The following PTPRD variants were observed in gnomAD, a reference collection of about 807,000 sequenced individuals.
PTPRD encodes the protein protein tyrosine phosphatase receptor type D.
In PTPRD, 34 loss-of-function variants were observed where a neutral mutation model predicts 214.5. The observed-to-expected ratio is 0.16, with a 90% CI of 0.12 to 0.21. The LOEUF (loss-of-function observed/expected upper bound fraction) is 0.21. Ranked by LOEUF, PTPRD falls within the 10% of genes least tolerant of loss-of-function variation. PTPRD has a pLI of 1.00. For missense variants in PTPRD, 2,545 were observed against 2,398.7 expected (o/e 1.06, Z -1.27); for synonymous variants, 1,128 against 845.7 (o/e 1.33, Z -5.79).
intron 11 of PTPRD, among the ~76,000 whole-genome samples, chr9:8,987,256 G>C (rs1048088556): frequency 1.1e-4 from 17 of 152,046 alleles, no homozygotes; most frequent in Non-Finnish European, 2.1e-4. Context: ...CAGGGTGAAA[G>C]GTATGTGTGA....
chr9:9,980,535 G>A lies in PTPRD; in HGVS notation c.-471-41925C>T, dbSNP rs187281878. 8.1e-3 allele frequency among the ~76,000 whole-genome samples: 1,147 copies of A among 142,244 alleles called. 10 individuals are homozygous for A. The highest frequency in any genetic ancestry group is 0.027 in the African/African-American group (1,048 of 38,446). The allele number at this position is 142,244 out of a possible 152,430, so 93.3% of individuals were successfully genotyped here. A position where few individuals can be genotyped will look rare whatever the true frequency, so the allele number is the denominator to read the frequency against. On this transcript the variant is annotated intron_variant, in intron 4 of 45. Transcript: ENST00000381196. Reference sequence around the variant, plus strand: ...AGGTCGGAGAATCGCTTGAACCCGGGGGGGCAAAGGTTGCAGTGAGCAGAG... The same window carrying A: ...AGGTCGGAGAATCGCTTGAACCCGGAGGGGCAAAGGTTGCAGTGAGCAGAG...
chr9:9,672,875 G>A (rs975375591), intron 7 of PTPRD, among the ~76,000 whole-genome samples: 6 of 152,074 alleles, frequency 3.9e-5, no homozygotes, highest in African/African-American at 1.4e-4. Flanking sequence ...AGAAGTATAT[G>A]TAGATGGTAA....
At chr9:9,218,627 TG>T in intron 9 of PTPRD, among the ~76,000 whole-genome samples, 1 of 152,212 alleles carries the variant, frequency 6.6e-6, no homozygotes, top group East Asian at 1.9e-4. Flanking sequence ...CAGGTAAGAC[TG>T]GTGAGCACTG....
intron 2 of PTPRD, among the ~76,000 whole-genome samples, chr9:10,495,402 T>C (rs1036617009): frequency 2.6e-5 from 4 of 151,892 alleles, no homozygotes; most frequent in East Asian, 3.8e-4. Context: ...GAGAGGAATC[T>C]GGGCTTCCAG....
At chr9:8,786,855 C>A (rs919223055) in intron 11 of PTPRD, among the ~76,000 whole-genome samples, 1 of 152,024 alleles carries the variant, frequency 6.6e-6, no homozygotes, top group African/African-American at 2.4e-5. Context: ...ATGTTTATTT[C>A]AATTATGATA....
chr9:9,601,702 T>C (rs2093782431), intron 7 of PTPRD, among the ~76,000 whole-genome samples: 1 of 152,100 alleles, frequency 6.6e-6, no homozygotes, highest in African/African-American at 2.4e-5. Context: ...CTACTGTGTA[T>C]AAGAACTGTT....
chr9:9,037,021 A>G (rs1373529566), intron 10 of PTPRD, among the ~76,000 whole-genome samples: 1 of 152,152 alleles, frequency 6.6e-6, no homozygotes, highest in African/African-American at 2.4e-5. Flanking sequence ...TGCAATCTAC[A>G]AGGTTGGGTA....
At chr9:10,464,388 AAG>A (rs900217191) in intron 2 of PTPRD, among the ~76,000 whole-genome samples, 1 of 148,634 alleles carries the variant, frequency 6.7e-6, no homozygotes. Context: ...GAAAGAGAGA[AAG>A]AGAGAGAGAG....
At chr9:8,666,051 T>TC (rs2097163814) in intron 12 of PTPRD, among the ~76,000 whole-genome samples, 1 of 151,692 alleles carries the variant, frequency 6.6e-6, no homozygotes, top group Admixed American at 6.6e-5. Context: ...TTTTTTTTTT[T>TC]CTGAATGAAA....
chr9:9,804,331 G>T (rs1038674593), intron 5 of PTPRD, among the ~76,000 whole-genome samples: 3 of 151,944 alleles, frequency 2.0e-5, no homozygotes, highest in African/African-American at 7.2e-5. Flanking sequence ...GGAAATGGCT[G>T]GAAATATGGA....
intron 10 of PTPRD, among the ~76,000 whole-genome samples, chr9:9,096,752 A>G (rs1181670193): frequency 6.6e-6 from 1 of 152,184 alleles, no homozygotes; most frequent in Non-Finnish European, 1.5e-5. Context: ...TTAGCAAAAA[A>G]GTATTATGAT....
chr9:10,571,992 C>T (rs1195978592), intron 2 of PTPRD, among the ~76,000 whole-genome samples: 1 of 152,040 alleles, frequency 6.6e-6, no homozygotes, highest in Non-Finnish European at 1.5e-5. Context: ...GTTGGGGACA[C>T]CTGATATAAG....
intron 2 of PTPRD, among the ~76,000 whole-genome samples, chr9:10,445,270 G>A (rs920907410): frequency 6.6e-6 from 1 of 152,050 alleles, no homozygotes; most frequent in Non-Finnish European, 1.5e-5. Context: ...CAACTGTGAA[G>A]GAGTCAGAAC....
chr9:10,045,182 A>C (rs998778339), intron 3 of PTPRD, among the ~76,000 whole-genome samples: 3 of 151,838 alleles, frequency 2.0e-5, no homozygotes, highest in Non-Finnish European at 3.0e-5. Flanking sequence ...ATCTATTTTA[A>C]CTTTTCTTTG....
chr9:8,389,932 A>C (rs1264479776), intron 36 of PTPRD, among the ~76,000 whole-genome samples: 1 of 152,202 alleles, frequency 6.6e-6, no homozygotes, highest in Non-Finnish European at 1.5e-5. Flanking sequence ...GAGTCCTGTC[A>C]GGAGAAAACT....
At chr9:9,283,657 G>A (rs1472613691) in intron 9 of PTPRD, among the ~76,000 whole-genome samples, 1 of 151,284 alleles carries the variant, frequency 6.6e-6, no homozygotes, top group Non-Finnish European at 1.5e-5. Flanking sequence ...CTGCATTTGA[G>A]ATTTATTATT....
chr9:9,619,724 C>G (rs1185587500), intron 7 of PTPRD, among the ~76,000 whole-genome samples: 1 of 142,738 alleles, frequency 7.0e-6, no homozygotes, highest in Non-Finnish European at 1.5e-5. Flanking sequence ...TATATATAAT[C>G]GTGTATTTAA....
intron 5 of PTPRD, among the ~76,000 whole-genome samples, chr9:9,931,477 G>T (rs537983483): frequency 5.3e-5 from 8 of 152,308 alleles, no homozygotes; most frequent in African/African-American, 1.9e-4. Context: ...ATGGCACCTG[G>T]AAAATCGGGT....
intron 12 of PTPRD, among the ~76,000 whole-genome samples, chr9:8,673,811 T>C (rs2097340251): frequency 6.6e-6 from 1 of 152,180 alleles, no homozygotes; most frequent in African/African-American, 2.4e-5. Flanking sequence ...TTTGGTGCTA[T>C]TGACATTGGG....
Sources: allele counts gnomAD v4.1 joint callset (sites outside exome capture counted in the v4.1 genomes callset), GRCh38; gene constraint gnomAD v4.1.1; transcripts MANE v1.5; gene names NCBI Gene and HGNC (gene_info 2026-07-23, HGNC 2026-07-21).